Variants in SLCO3A1 observed in about 807,000 individuals in gnomAD.
SLCO3A1 encodes the protein PGE1 transporter.
Under a neutral mutation model 63.1 loss-of-function variants are expected in SLCO3A1, and 27 were observed. The ratio of observed to expected loss-of-function variants is 0.43; its 90% CI spans 0.32 to 0.59. The LOEUF is 0.59. Among genes scored for constraint, SLCO3A1 ranks in the 20% least tolerant of loss-of-function variants. The pLI is 0.09. For synonymous variants in SLCO3A1, 473 were observed against 409.9 expected (o/e 1.15, Z -1.86); for missense variants, 773 against 945.8 (o/e 0.82, Z 2.40).
At position 92,147,118 on chromosome 15, in the gene SLCO3A1, C is replaced by A; in HGVS notation, c.1647C>A (p.Ile549=). 3.7e-6 allele frequency: 6 copies of A among 1,612,594 alleles called. No individual in the cohort carries two copies. The highest frequency in any genetic ancestry group is 5.1e-6 in the Non-Finnish European group (6 of 1,179,954). Reference sequence around the variant, plus strand: ...GTGTGATGTGTATCTGCAGCCTGATCGGTGCCATGGCACAGACACCCTCAG... The same window carrying A: ...GTGTGATGTGTATCTGCAGCCTGATAGGTGCCATGGCACAGACACCCTCAG... ...FLCVMCICSL[I]GAMAQTPSVI... is the part of the protein sequence containing the mutation. Residue 549 remains isoleucine (I), a synonymous_variant, in exon 8 of 10, where the codon ATC becomes ATA. Transcript: ENST00000318445.
intron 7 of SLCO3A1, among the ~76,000 whole-genome samples, chr15:92,146,213 C>A (rs963228384): frequency 2.0e-5 from 3 of 152,332 alleles, no homozygotes; most frequent in Middle Eastern, 3.4e-3. Flanking sequence ...CTGCTCCTCC[C>A]TTTGCCATCA....
rs1040555370 is a variant in SLCO3A1 at position 92,038,502 on chromosome 15, A to G, written c.647-56379A>G. On this transcript the variant is annotated intron_variant, in intron 2 of 9. Transcript: ENST00000318445. The stretch of plus-strand genomic sequence containing the variant: ...AATCATGAATGAACTCCCATTCATA[A>G]TTGCTACAAAGAGAATAAAATACCT... Among the ~76,000 whole-genome samples the G allele has an allele frequency of 3.3e-5, 5 of 152,184 alleles. No individual in the cohort carries two copies. The East Asian group carries it at 9.6e-4, about 29-fold the overall frequency.
At chr15:92,071,369 G>C (rs565105418) in intron 2 of SLCO3A1, among the ~76,000 whole-genome samples, 239 of 152,338 alleles carry the variant, frequency 1.6e-3, no homozygotes, top group African/African-American at 5.6e-3. Context: ...CAGCGAGCAA[G>C]GCAAATGAAG....
chr15:92,015,451 T>G (rs2046415239), intron 2 of SLCO3A1, among the ~76,000 whole-genome samples: 1 of 152,064 alleles, frequency 6.6e-6, no homozygotes, highest in African/African-American at 2.4e-5. Flanking sequence ...CTATGAGATC[T>G]CGTGAGAACT....
At chr15:91,901,613 C>T (rs912890869) in intron 1 of SLCO3A1, among the ~76,000 whole-genome samples, 8 of 152,108 alleles carry the variant, frequency 5.3e-5, no homozygotes, top group Admixed American at 3.9e-4. Context: ...GAAAGCTTTG[C>T]CGGATGTAGA....
At chr15:92,016,505 T>C (rs531532765) in intron 2 of SLCO3A1, among the ~76,000 whole-genome samples, 1 of 152,256 alleles carries the variant, frequency 6.6e-6, no homozygotes, top group East Asian at 1.9e-4. Context: ...TCCCTTGGGA[T>C]CTAGGCAGTG....
intron 2 of SLCO3A1, among the ~76,000 whole-genome samples, chr15:91,977,172 A>G (rs1239923144): frequency 6.6e-6 from 1 of 152,196 alleles, no homozygotes; most frequent in Non-Finnish European, 1.5e-5. Context: ...GGATTGTGCA[A>G]AAACGTACTG....
intron 2 of SLCO3A1, among the ~76,000 whole-genome samples, chr15:91,958,449 C>T (rs987664436): frequency 1.3e-5 from 2 of 152,294 alleles, no homozygotes; most frequent in East Asian, 1.9e-4. Context: ...TTGAATGCCG[C>T]CTCTCCCATT....
chr15:92,065,402 G>A (rs2047138921), intron 2 of SLCO3A1, among the ~76,000 whole-genome samples: 1 of 152,100 alleles, frequency 6.6e-6, no homozygotes, highest in Admixed American at 6.6e-5. Flanking sequence ...ACCCAGATTT[G>A]ATCATTACAC....
intron 2 of SLCO3A1, among the ~76,000 whole-genome samples, chr15:92,078,042 G>A (rs1344488720): frequency 6.6e-6 from 1 of 152,154 alleles, no homozygotes; most frequent in African/African-American, 2.4e-5. Context: ...GTGTCTAAAG[G>A]CCCTAGCACA....
intron 2 of SLCO3A1, among the ~76,000 whole-genome samples, chr15:91,972,842 C>T (rs1900930919): frequency 6.6e-6 from 1 of 152,056 alleles, no homozygotes; most frequent in South Asian, 2.1e-4. Context: ...ACAGTGGGGC[C>T]GGGCATGGTG....
chr15:92,159,826 TCTCA>T (rs983523440), intron 9 of SLCO3A1, among the ~76,000 whole-genome samples: 5 of 152,138 alleles, frequency 3.3e-5, no homozygotes, highest in African/African-American at 9.7e-5. Flanking sequence ...TTATAAGAAT[TCTCA>T]CTCAGGTACA....
chr15:92,078,593 AG>A, intron 2 of SLCO3A1, among the ~76,000 whole-genome samples: 1 of 152,254 alleles, frequency 6.6e-6, no homozygotes, highest in South Asian at 2.1e-4. Context: ...GCCTTTGCCC[AG>A]GCTGTTCCTG....
chr15:91,907,525 T>C (rs1171274780), intron 1 of SLCO3A1, among the ~76,000 whole-genome samples: 1 of 150,262 alleles, frequency 6.7e-6, no homozygotes, highest in Non-Finnish European at 1.5e-5. Context: ...CTTTCTTTTT[T>C]TTCTATTTTT....
At chr15:91,898,404 T>C (rs1343412676) in intron 1 of SLCO3A1, among the ~76,000 whole-genome samples, 1 of 152,256 alleles carries the variant, frequency 6.6e-6, no homozygotes, top group African/African-American at 2.4e-5. Flanking sequence ...AATGTGTCTC[T>C]CTTGGCTTTC....
chr15:91,986,465 T>C (rs1477076335), intron 2 of SLCO3A1, among the ~76,000 whole-genome samples: 1 of 142,726 alleles, frequency 7.0e-6, no homozygotes, highest in Non-Finnish European at 1.6e-5. Flanking sequence ...AATTCTCTAG[T>C]AGCCATTTTT....
chr15:91,947,463 T>C (rs1185346120), intron 2 of SLCO3A1, among the ~76,000 whole-genome samples: 2 of 152,216 alleles, frequency 1.3e-5, no homozygotes, highest in African/African-American at 4.8e-5. Flanking sequence ...CAAGCTATAC[T>C]CCTTCTTCCC....
rs888146897 is a variant in SLCO3A1 at position 91,968,887 on chromosome 15, C to T, written c.646+52429C>T. On this transcript the variant is annotated intron_variant, in intron 2 of 9. Coordinates refer to ENST00000318445, the MANE Select transcript of SLCO3A1 (RefSeq NM_013272.4). The surrounding 1 kb of genome is among the most constrained non-coding windows in gnomAD (Gnocchi z 4.2). The stretch of plus-strand genomic sequence containing the variant: ...TGCATGGAGTCTCCTTTCTCTTTCC[C>T]CTACCCAGGGGATCTGGCAAACTCG... Among the ~76,000 whole-genome samples the T allele has an allele frequency of 1.3e-5, 2 of 152,150 alleles. No individual in the cohort carries two copies. The highest frequency in any genetic ancestry group is 6.5e-5 in the Admixed American group (1 of 15,284).
At chr15:92,018,094 C>G (rs868529351) in intron 2 of SLCO3A1, among the ~76,000 whole-genome samples, 1 of 152,146 alleles carries the variant, frequency 6.6e-6, no homozygotes, top group Admixed American at 6.5e-5. Context: ...GTGGCTGATG[C>G]GTACCCGAGT....
Sources: allele counts gnomAD v4.1 joint callset (sites outside exome capture counted in the v4.1 genomes callset), GRCh38; gene constraint gnomAD v4.1.1; non-coding constraint Gnocchi (gnomAD v3.1); transcripts MANE v1.5; gene names NCBI Gene and HGNC (gene_info 2026-07-23, HGNC 2026-07-21).